Variants in EXPH5 observed in about 807,000 individuals in gnomAD.
The protein encoded by EXPH5 is exophilin 5, also known as exophilin-5.
In EXPH5, 42 loss-of-function variants were observed where a neutral mutation model predicts 41.1. That is an observed-to-expected ratio of 1.02 (90% confidence interval 0.80 to 1.32). The LOEUF (loss-of-function observed/expected upper bound fraction) is 1.32. Among genes scored for constraint, EXPH5 ranks in the 40% most tolerant of loss-of-function variants. The pLI, the probability that EXPH5 is intolerant of heterozygous loss-of-function variation, is 0.00. For missense variants in EXPH5, 2,298 were observed against 2,314.5 expected, an observed-to-expected ratio of 0.99 and a Z score of 0.15; for synonymous variants, 798 against 833.5, an observed-to-expected ratio of 0.96 and a Z score of 0.73.
upstream of EXPH5, among the ~76,000 whole-genome samples, chr11:108,597,782 G>T (rs979561293): frequency 6.6e-6 from 1 of 152,006 alleles, no homozygotes; most frequent in Admixed American, 6.6e-5. Flanking sequence ...AGAGAAAATT[G>T]ATCATAGATG....
At position 108,505,619 on chromosome 11, in the gene EXPH5, A is replaced by C. The variant is rs1317653380; in HGVS notation, c.*3918T>G. 1 of 152,210 alleles carries C rather than the reference A, an allele frequency of 6.6e-6. No homozygotes were observed. The highest frequency in any genetic ancestry group is 1.5e-5 in the Non-Finnish European group (1 of 68,022). 9.4% of individuals were successfully genotyped at this position (152,210 alleles called of 1,614,324 possible). ...ACAGAACTGCCAGTCACAAAGAGCC[A>C]CTAAGTGGCAATACAGCCACAAACT... On this transcript the variant is annotated 3_prime_UTR_variant, in exon 6 of 6. Coordinates refer to ENST00000265843, the MANE Select transcript of EXPH5 (RefSeq NM_015065.3).
chr11:108,566,479 T>G (rs1681051372), intron 1 of EXPH5, among the ~76,000 whole-genome samples: 1 of 152,210 alleles, frequency 6.6e-6, no homozygotes. Flanking sequence ...TGGCCTTGCA[T>G]CAAGAGAAAC....
chr11:108,547,434 C>G (rs949987393), intron 1 of EXPH5, among the ~76,000 whole-genome samples: 5 of 152,056 alleles, frequency 3.3e-5, no homozygotes, highest in African/African-American at 7.2e-5. Context: ...AGGCTGGTCT[C>G]TCACTCTTGG....
chr11:108,530,710 G>C (rs1424968932), intron 3 of EXPH5, among the ~76,000 whole-genome samples: 1 of 152,222 alleles, frequency 6.6e-6, no homozygotes, highest in Admixed American at 6.5e-5. Flanking sequence ...GGCAGCAGGA[G>C]CAGGTTTCTG....
intron 1 of EXPH5, among the ~76,000 whole-genome samples, chr11:108,575,253 T>C (rs1410920503): frequency 6.6e-6 from 1 of 152,158 alleles, no homozygotes; most frequent in Non-Finnish European, 1.5e-5. Context: ...AATACCACCA[T>C]CCAGGGATAG....
At position 108,593,756 on chromosome 11, in the gene EXPH5, G is replaced by C. The variant is rs1400956617; in HGVS notation, c.-220C>G. 1 of 1,535,922 alleles carries C rather than the reference G, an allele frequency of 6.5e-7. No individual in the cohort carries two copies. Among genetic ancestry groups the C allele is most frequent in the Non-Finnish European group, 8.7e-7 (1 of 1,146,890 alleles). On this transcript the variant is annotated 5_prime_UTR_variant, in exon 1 of 6. Coordinates refer to ENST00000265843, the MANE Select transcript of EXPH5 (RefSeq NM_015065.3). ...CATGTTTCTCTCAACCTGTCCAACCGAGATGCAAAGTGAACGGCTAAAGGG... is the reference window on the plus strand; with the variant it reads ...CATGTTTCTCTCAACCTGTCCAACCCAGATGCAAAGTGAACGGCTAAAGGG...
intron 1 of EXPH5, among the ~76,000 whole-genome samples, chr11:108,562,314 C>G (rs541067860): frequency 6.8e-6 from 1 of 146,648 alleles, no homozygotes; most frequent in Non-Finnish European, 1.5e-5. Context: ...TACATCAGGC[C>G]GGGCTGGGTG....
At position 108,510,446 on chromosome 11, in the gene EXPH5, G is replaced by C; in HGVS notation, c.5061C>G (p.Val1687=). 1 of 1,614,104 alleles carries C rather than the reference G, an allele frequency of 6.2e-7. No homozygotes were observed. The highest frequency in any genetic ancestry group is 8.5e-7 in the Non-Finnish European group (1 of 1,180,012). The change falls in exon 6 of 6, where the codon GTC becomes GTG. Residue 1687 remains valine, a synonymous_variant. Transcript: ENST00000265843. ...AAATGCTGTTAGACTTCTGGTTGCT[G>C]ACGTGTGTAGAAGGTTCTCTGTTGG... ...VLPNREPSTH[V]SNQKSNSISQ...
Position 108,512,394 on chromosome 11 carries a change from C to T in EXPH5, c.3113G>A (p.Ser1038Asn). 1 of 1,609,494 alleles carries T rather than the reference C, an allele frequency of 6.2e-7. No individual in the cohort carries two copies. Among genetic ancestry groups the T allele is most frequent in the East Asian group, 2.2e-5 (1 of 44,878 alleles). ...CCTCAATGAAGCAGCCATTATTTTA[C>T]TTCCTGACTGCCTGCCATGTATGAG... is the stretch of plus-strand genomic sequence containing the variant. Reference protein sequence around the residue: ...SFLIHGRQSGSKIMAASLRNG... With the variant: ...SFLIHGRQSGNKIMAASLRNG... The change falls in exon 6 of 6, where the codon AGT becomes AAT. Residue 1038 changes from serine to asparagine, a missense_variant. Ser to Asn is a conservative substitution (Grantham distance 46, BLOSUM62 1). Transcript: ENST00000265843.
Position 108,510,495 on chromosome 11 carries a change from T to C in EXPH5, c.5012A>G (p.Asn1671Ser). 6.2e-7 allele frequency: 1 copy of C among 1,614,084 alleles called. No homozygotes were observed. The highest frequency in any genetic ancestry group is 8.5e-7 in the Non-Finnish European group (1 of 1,180,034). Reference protein sequence around the residue: ...ENGKHVKKSENLLPITVLPNR... With the variant: ...ENGKHVKKSESLLPITVLPNR... ...GGGTAGTACAGTAATGGGGAGAAGG[T>C]TCTCGGATTTCTTCACATGCTTTCC... is the stretch of plus-strand genomic sequence containing the variant. The change falls in exon 6 of 6, where the codon AAC (asparagine) becomes AGC (serine). Residue 1671 changes from asparagine (N) to serine (S), a missense_variant. Coordinates refer to ENST00000265843, the MANE Select transcript of EXPH5 (RefSeq NM_015065.3).
intron 1 of EXPH5, among the ~76,000 whole-genome samples, chr11:108,581,297 C>G (rs2094097310): frequency 6.6e-6 from 1 of 151,072 alleles, no homozygotes; most frequent in South Asian, 2.1e-4. Flanking sequence ...GAGCAAGACA[C>G]TATTTCAGAG....
At chr11:108,538,138 A>T in intron 3 of EXPH5, 2 of 985,498 alleles carry the variant, frequency 2.0e-6, no homozygotes, top group Non-Finnish European at 2.4e-6. Flanking sequence ...CAGCAGCCTC[A>T]TCACACAACC....
chr11:108,532,348 ATATATATATATATATATATTTT>A (rs2093844292), intron 3 of EXPH5, among the ~76,000 whole-genome samples: 1 of 7,054 alleles, frequency 1.4e-4, no homozygotes, highest in Admixed American at 1.8e-3. Context: ...GGATATATAT[ATATATATATATATATATATTTT>A]TTTTTTTTTT....
chr11:108,514,131 C>A lies in EXPH5; in HGVS notation c.1376G>T (p.Arg459Ile). Residue 459 changes from arginine (R) to isoleucine (I), a missense_variant, in exon 6 of 6, where the codon AGA becomes ATA. Physicochemically the swap from Arg to Ile is moderately conservative, Grantham distance 97. Transcript: ENST00000265843. ...TCCAAAGGTATTGCTGAAGAAAGAT[C>A]TGGTAAATGTGTTGCTTTGATGGTA... ...PFYHQSNTFT[R>I]SFFSNTFGRS... 2 of 1,613,614 alleles carry A rather than the reference C, an allele frequency of 1.2e-6. No homozygotes were observed. Among genetic ancestry groups the A allele is most frequent in the Non-Finnish European group, 1.7e-6 (2 of 1,179,810 alleles).
intron 1 of EXPH5, among the ~76,000 whole-genome samples, chr11:108,574,111 A>G (rs1039851455): frequency 6.6e-6 from 1 of 150,874 alleles, no homozygotes; most frequent in African/African-American, 2.4e-5. Flanking sequence ...GGGTTTCACC[A>G]TGTTAGCCAG....
At position 108,513,177 on chromosome 11, in the gene EXPH5, T is replaced by C. The variant is rs760455764; in HGVS notation, c.2330A>G (p.Asp777Gly). Reference sequence around the variant, plus strand: ...GTGCGGTATATACATTTTGGAGGTATCTTTCCTGGAAAAGACTCTGGGTGA... The same window carrying C: ...GTGCGGTATATACATTTTGGAGGTACCTTTCCTGGAAAAGACTCTGGGTGA... ...KKSPRVFSRK[D>G]TSKMYIPHTD... Residue 777 changes from aspartate to glycine, a missense_variant, in exon 6 of 6, where the codon GAT (aspartate) becomes GGT (glycine). Coordinates refer to ENST00000265843, the MANE Select transcript of EXPH5 (RefSeq NM_015065.3). The C allele has an allele frequency of 9.9e-6, 16 of 1,614,158 alleles. 1 individual carries two copies. In the South Asian group the frequency reaches 1.6e-4, roughly 17 times the overall value.
chr11:108,591,806 A>C (rs1424162363), intron 1 of EXPH5, among the ~76,000 whole-genome samples: 1 of 152,210 alleles, frequency 6.6e-6, no homozygotes, highest in Non-Finnish European at 1.5e-5. Flanking sequence ...TAGAGAAAAC[A>C]CAATAAGGCA....
intron 3 of EXPH5, among the ~76,000 whole-genome samples, chr11:108,530,932 G>A (rs928874580): frequency 6.6e-6 from 1 of 152,154 alleles, no homozygotes; most frequent in African/African-American, 2.4e-5. Context: ...CCCACTCCCA[G>A]GCCTTCCCAC....
rs1270885928 is a variant in EXPH5 at position 108,573,176 on chromosome 11, GAAAGAAAGAAAGAAAGAAAGAA to G, written c.119+20220_119+20241del. On this transcript the variant is annotated intron_variant, in intron 1 of 5. Transcript: ENST00000265843. ...AGAAAGAAAGAAAGAAAGAAAGAAA[GAAAGAAAGAAAGAAAGAAAGAA>G]AAAGAAAGAAAGAAAGAAAGAAAGG... Among the ~76,000 whole-genome samples, 837 of 145,162 alleles carry G rather than the reference GAAAGAAAGAAAGAAAGAAAGAA, an allele frequency of 5.8e-3. 8 individuals carry two copies. Among genetic ancestry groups the G allele is most frequent in the African/African-American group, 0.021 (785 of 37,444 alleles).
Sources: allele counts gnomAD v4.1 joint callset (sites outside exome capture counted in the v4.1 genomes callset), GRCh38; gene constraint gnomAD v4.1.1; transcripts MANE v1.5; gene names NCBI Gene and HGNC (gene_info 2026-07-23, HGNC 2026-07-21).